Variants in TNFRSF1B observed in about 807,000 individuals in gnomAD.
TNFRSF1B encodes tumor necrosis factor receptor superfamily member 1B.
A neutral mutation model predicts 44.6 loss-of-function variants in TNFRSF1B; 19 were observed. The observed-to-expected ratio is 0.43, with a 90% CI of 0.30 to 0.62. TNFRSF1B has a LOEUF of 0.62. TNFRSF1B is among the 20% of genes least tolerant of loss of function. The pLI, the probability that TNFRSF1B is intolerant of heterozygous loss-of-function variation, is 0.16. For synonymous variants in TNFRSF1B, 252 were observed against 261.1 expected, an observed-to-expected ratio of 0.97 and a Z score of 0.34; for missense variants, 541 against 619.9, an observed-to-expected ratio of 0.87 and a Z score of 1.35.
intron 1 of TNFRSF1B, among the ~76,000 whole-genome samples, chr1:12,183,987 A>G (rs1230684362): frequency 6.6e-6 from 1 of 152,150 alleles, no homozygotes; most frequent in Non-Finnish European, 1.5e-5. Context: ...AGGCCCCCAT[A>G]TTTTGGAAGA....
intron 9 of TNFRSF1B, among the ~76,000 whole-genome samples, chr1:12,204,604 T>G (rs1475343654): frequency 6.6e-6 from 1 of 152,128 alleles, no homozygotes; most frequent in Non-Finnish European, 1.5e-5. Flanking sequence ...AAACCCACCG[T>G]CCAGTGCCTC....
At chr1:12,194,110 G>A in intron 7 of TNFRSF1B, 78 bp downstream of exon 7, 1 of 1,199,478 alleles carries the variant, frequency 8.3e-7, no homozygotes, top group East Asian at 2.3e-5. Context: ...TCCAGCACTG[G>A]GCACAGCCTT....
chr1:12,191,036 C>T lies in TNFRSF1B; in HGVS notation c.258C>T (p.Leu86=). The T allele has an allele frequency of 6.2e-7, 1 of 1,614,222 alleles. No homozygotes were observed. The highest frequency in any genetic ancestry group is 8.5e-7 in the Non-Finnish European group (1 of 1,180,024). The change falls in exon 3 of 10, where the codon CTC becomes CTT. Residue 86 remains leucine (L), a synonymous_variant. Transcript: ENST00000376259. Reference sequence around the variant, plus strand: ...GTGAGGACAGCACATACACCCAGCTCTGGAACTGGGTTCCCGAGTGCTTGA... The same window carrying T: ...GTGAGGACAGCACATACACCCAGCTTTGGAACTGGGTTCCCGAGTGCTTGA... ...DSCEDSTYTQ[L]WNWVPECLSC...
chr1:12,191,877 C>T lies in TNFRSF1B; in HGVS notation c.411C>T (p.Cys137=). Residue 137 remains cysteine, a synonymous_variant, in exon 4 of 10, where the codon TGC becomes TGT. Coordinates refer to ENST00000376259, the MANE Select transcript of TNFRSF1B (RefSeq NM_001066.3). ...ALSKQEGCRL[C]APLRKCRPGF... is the part of the protein sequence containing the mutation. ...GCAAGCAGGAGGGGTGCCGGCTGTG[C>T]GCGCCGCTGCGCAAGTGCCGCCCGG... 1 of 1,610,638 alleles carries T rather than the reference C, an allele frequency of 6.2e-7. No homozygotes were observed. Among genetic ancestry groups the T allele is most frequent in the Non-Finnish European group, 8.5e-7 (1 of 1,178,982 alleles).
chr1:12,167,399 G>A, intron 1 of TNFRSF1B: 1 of 427,526 alleles, frequency 2.3e-6, no homozygotes, highest in South Asian at 4.0e-5. Flanking sequence ...GGCCCCCGAA[G>A]CCCCTCTTAC....
At chr1:12,194,357 G>C (rs1017572270) in intron 7 of TNFRSF1B, among the ~76,000 whole-genome samples, 2 of 152,088 alleles carry the variant, frequency 1.3e-5, no homozygotes, top group Admixed American at 6.6e-5. Flanking sequence ...GGAAGGACAC[G>C]CATCCTCAGT....
intron 1 of TNFRSF1B, among the ~76,000 whole-genome samples, chr1:12,174,681 G>A (rs1444652637): frequency 3.3e-5 from 5 of 152,240 alleles, no homozygotes; most frequent in Admixed American, 6.5e-5. Flanking sequence ...TTGGGTGTTT[G>A]GAGGGGGGCT....
chr1:12,198,697 T>TG (rs1200697264), intron 8 of TNFRSF1B, among the ~76,000 whole-genome samples: 1 of 137,480 alleles, frequency 7.3e-6, no homozygotes, highest in Non-Finnish European at 1.6e-5. Flanking sequence ...TTCTGTTTTT[T>TG]TTTTTTTTTT....
chr1:12,167,858 G>A (rs1277510720), intron 1 of TNFRSF1B, among the ~76,000 whole-genome samples: 1 of 152,170 alleles, frequency 6.6e-6, no homozygotes, highest in Non-Finnish European at 1.5e-5. Flanking sequence ...GGCAAATGAA[G>A]TCTCCGGGGG....
Position 12,199,251 on chromosome 1 carries a change from C to T in TNFRSF1B, c.901-2716C>T, listed in dbSNP as rs111811362. ...GAGGAGTGACAATTGGCTGCTTCTC[C>T]TCCCCTTCCAGGCTCAGAGCAGGGC... is the stretch of plus-strand genomic sequence containing the variant. On this transcript the variant is annotated intron_variant, in intron 8 of 9. Coordinates refer to ENST00000376259, the MANE Select transcript of TNFRSF1B (RefSeq NM_001066.3). This position sits in a 1 kb window ranked among gnomAD's most constrained non-coding sequence, Gnocchi z 4.0. 2.0e-5 allele frequency among the ~76,000 whole-genome samples: 3 copies of T among 152,366 alleles called. No individual in the cohort carries two copies. Among genetic ancestry groups the T allele is most frequent in the African/African-American group, 7.2e-5 (3 of 41,586 alleles).
rs1232732932 is a variant in TNFRSF1B at position 12,206,978 on chromosome 1, C to G, written c.1344C>G (p.Pro448=). 1 of 1,607,756 alleles carries G rather than the reference C, an allele frequency of 6.2e-7. No homozygotes were observed. Among genetic ancestry groups the G allele is most frequent in the South Asian group, 1.1e-5 (1 of 90,772 alleles). ...ETLLGSTEEK[P]LPLGVPDAGM... ...TGCTGGGGAGCACCGAAGAGAAGCC[C>G]CTGCCCCTTGGAGTGCCTGATGCTG... The change falls in exon 10 of 10, where the codon CCC becomes CCG. Residue 448 remains proline (P), a synonymous_variant. Transcript: ENST00000376259.
At chr1:12,191,995 G>T in intron 4 of TNFRSF1B, 72 bp downstream of exon 4, 1 of 1,543,632 alleles carries the variant, frequency 6.5e-7, no homozygotes. Flanking sequence ...GCAGTGTCAC[G>T]GGCATCAACC....
At chr1:12,182,037 C>T (rs1638823507) in intron 1 of TNFRSF1B, among the ~76,000 whole-genome samples, 1 of 152,196 alleles carries the variant, frequency 6.6e-6, no homozygotes, top group Admixed American at 6.5e-5. Flanking sequence ...GCAGAGGAGA[C>T]ACTTGAGTGA....
At chr1:12,196,646 C>T (rs758209186) in intron 8 of TNFRSF1B, among the ~76,000 whole-genome samples, 4 of 152,328 alleles carry the variant, frequency 2.6e-5, no homozygotes, top group East Asian at 1.9e-4. Flanking sequence ...AAGGTCGCAC[C>T]GCAGTGTGTC....
In TNFRSF1B at chr1:12,186,788, C is replaced by A. The variant is rs1203482447; in HGVS notation, c.79-2008C>A. On this transcript the variant is annotated intron_variant, in intron 1 of 9. Transcript: ENST00000376259. This position sits in a 1 kb window ranked among gnomAD's most constrained non-coding sequence, Gnocchi z 4.8. ...GCCCTTTGTTCATTTCCAGGTGACGCATCTGTGGGGGCCCCTGAAGGACTT... is the reference window on the plus strand; with the variant it reads ...GCCCTTTGTTCATTTCCAGGTGACGAATCTGTGGGGGCCCCTGAAGGACTT... 6.6e-6 allele frequency among the ~76,000 whole-genome samples: 1 copy of A among 152,236 alleles called. No homozygotes were observed. Among genetic ancestry groups the A allele is most frequent in the African/African-American group, 2.4e-5 (1 of 41,462 alleles).
At position 12,207,181 on chromosome 1, in the gene TNFRSF1B, A is replaced by AC; in HGVS notation, c.*163dup. On this transcript the variant is annotated 3_prime_UTR_variant, in exon 10 of 10. Transcript: ENST00000376259. ...CCTCCACAGCCGCAGCCTCCCTCTG[A>AC]CCTGCAGGCCAAGAGCAGAGGCAGC... The AC allele has an allele frequency of 1.5e-6, 1 of 677,782 alleles. No individual in the cohort carries two copies. Among genetic ancestry groups the AC allele is most frequent in the Non-Finnish European group, 2.3e-6 (1 of 442,600 alleles). The allele number at this position is 677,782 out of a possible 1,614,324, so 42.0% of individuals were successfully genotyped here. A position where few individuals can be genotyped will look rare whatever the true frequency, so the allele number is the denominator to read the frequency against.
At position 12,167,108 on chromosome 1, in the gene TNFRSF1B, T is replaced by C. The variant is rs1333138678; in HGVS notation, c.17T>C (p.Val6Ala). The C allele has an allele frequency of 1.5e-6, 2 of 1,342,256 alleles. No individual in the cohort carries two copies. Among genetic ancestry groups the C allele is most frequent in the Non-Finnish European group, 1.9e-6 (2 of 1,043,118 alleles). 83.1% of individuals were successfully genotyped at this position (1,342,256 alleles called of 1,614,324 possible). MAPVA[V>A]WAALAVGLEL... ...CCCGCACCCATGGCGCCCGTCGCCG[T>C]CTGGGCCGCGCTGGCCGTCGGACTG... Residue 6 changes from valine (V) to alanine (A), a missense_variant, in exon 1 of 10, where the codon GTC becomes GCC. Transcript: ENST00000376259.
Position 12,171,017 on chromosome 1 carries a change from T to TA in TNFRSF1B, c.78+3849dup, listed in dbSNP as rs547352759. Among the ~76,000 whole-genome samples, 89 of 151,526 alleles carry TA rather than the reference T, an allele frequency of 5.9e-4. No individual in the cohort carries two copies. Among genetic ancestry groups the TA allele is most frequent in the African/African-American group, 2.1e-3 (88 of 41,282 alleles). ...TCTTTTTTTCTATTTAATTTTTTTT[T>TA]ATTGAGATAGAGTCTTACTCTGTCA... is the stretch of plus-strand genomic sequence containing the variant. On this transcript the variant is annotated intron_variant, in intron 1 of 9. Transcript: ENST00000376259. The surrounding 1 kb of genome is among the most constrained non-coding windows in gnomAD (Gnocchi z 4.5).
chr1:12,194,374 G>A (rs562101327), intron 7 of TNFRSF1B, among the ~76,000 whole-genome samples: 82 of 152,226 alleles, frequency 5.4e-4, no homozygotes, highest in African/African-American at 2.0e-3. Context: ...CAGTGGAGGC[G>A]CGGATGGTAT....
Sources: allele counts gnomAD v4.1 joint callset (sites outside exome capture counted in the v4.1 genomes callset), GRCh38; gene constraint gnomAD v4.1.1; non-coding constraint Gnocchi (gnomAD v3.1); transcripts MANE v1.5; gene names NCBI Gene and HGNC (gene_info 2026-07-23, HGNC 2026-07-21).